SRPK1: variants seen among roughly 807,000 people sequenced by gnomAD.
The protein encoded by SRPK1 is SRSF protein kinase 1.
A neutral mutation model predicts 89.5 loss-of-function variants in SRPK1; 52 were observed. The ratio of observed to expected loss-of-function variants is 0.58; its 90% CI spans 0.46 to 0.73. SRPK1 has a LOEUF of 0.73. Among genes scored for constraint, SRPK1 ranks in the 30% least tolerant of loss-of-function variants. SRPK1 has a pLI of 0.00. For missense variants in SRPK1, 603 were observed against 780.6 expected, an observed-to-expected ratio of 0.77 and a Z score of 2.71; for synonymous variants, 255 against 270.2, an observed-to-expected ratio of 0.94 and a Z score of 0.55.
At chr6:35,889,825 G>A (rs1170055210) in intron 3 of SRPK1, among the ~76,000 whole-genome samples, 2 of 144,186 alleles carry the variant, frequency 1.4e-5, no homozygotes, top group Middle Eastern at 3.9e-3. Flanking sequence ...ACGGCAAGGC[G>A]CGGTGGCTCA....
At chr6:35,893,416 T>C (rs537352052) in intron 2 of SRPK1, among the ~76,000 whole-genome samples, 1 of 151,972 alleles carries the variant, frequency 6.6e-6, no homozygotes, top group South Asian at 2.1e-4. Context: ...AGCTGCAAGG[T>C]TGCGGCTGCA....
rs923610298 is a variant in SRPK1, at chr6:35,834,105, A to G, written c.*1199T>C. The G allele has an allele frequency of 6.6e-6, 1 of 152,626 alleles. No individual in the cohort carries two copies. Among genetic ancestry groups the G allele is most frequent in the African/African-American group, 2.4e-5 (1 of 41,448 alleles). 9.5% of individuals were successfully genotyped at this position (152,626 alleles called of 1,614,324 possible). ...AAAATTATGGTTAAAAATTGACATTATGTAGGGAAATAGCAGCAGAGAATG... is the reference window on the plus strand; with the variant it reads ...AAAATTATGGTTAAAAATTGACATTGTGTAGGGAAATAGCAGCAGAGAATG... On this transcript the variant is annotated 3_prime_UTR_variant, in exon 16 of 16. Transcript: ENST00000373825.
intron 2 of SRPK1, among the ~76,000 whole-genome samples, chr6:35,894,852 C>A (rs1770596827): frequency 6.6e-6 from 1 of 151,986 alleles, no homozygotes; most frequent in Non-Finnish European, 1.5e-5. Context: ...GAAGAAGTTA[C>A]TTAAAGTCAA....
chr6:35,905,110 G>C (rs78894630), intron 2 of SRPK1: 10 of 219,166 alleles, frequency 4.6e-5, no homozygotes, highest in Admixed American at 5.6e-5. Flanking sequence ...TCACACCACT[G>C]TACTCCAGCC....
chr6:35,868,395 A>AGTGT (rs1769955851), intron 12 of SRPK1, among the ~76,000 whole-genome samples: 1 of 152,230 alleles, frequency 6.6e-6, no homozygotes, highest in Non-Finnish European at 1.5e-5. Flanking sequence ...ATGACACTAT[A>AGTGT]CATCATAAAG....
At chr6:35,909,375 G>A (rs1770914826) in intron 2 of SRPK1, among the ~76,000 whole-genome samples, 1 of 152,232 alleles carries the variant, frequency 6.6e-6, no homozygotes, top group African/African-American at 2.4e-5. Context: ...ATTTGGAATG[G>A]GAACATTTGC....
intron 4 of SRPK1, 61 bp from the exon 5 acceptor site, chr6:35,888,172 A>G (rs764307675): frequency 1.4e-5 from 16 of 1,149,062 alleles, no homozygotes; most frequent in Non-Finnish European, 1.8e-5. Flanking sequence ...GGAAGCTAAG[A>G]TTTAGCTATA....
intron 5 of SRPK1, 43 bp from the exon 6 acceptor site, chr6:35,886,854 G>A: frequency 1.7e-6 from 2 of 1,144,242 alleles, no homozygotes; most frequent in South Asian, 1.3e-5. Flanking sequence ...GGTAAAGCAT[G>A]GAAATAAACC....
chr6:35,839,296 C>T (rs913923350), intron 14 of SRPK1, among the ~76,000 whole-genome samples: 3 of 152,110 alleles, frequency 2.0e-5, no homozygotes, highest in African/African-American at 7.2e-5. Flanking sequence ...GATTACAGGC[C>T]TGAGCCACCA....
intron 13 of SRPK1, among the ~76,000 whole-genome samples, chr6:35,855,690 T>C (rs1317560554): frequency 2.6e-5 from 4 of 152,194 alleles, no homozygotes; most frequent in Non-Finnish European, 5.9e-5. Context: ...GGTGGGTCCC[T>C]TGGACCATAT....
chr6:35,915,264 A>G (rs1179126731), intron 2 of SRPK1, among the ~76,000 whole-genome samples: 1 of 151,964 alleles, frequency 6.6e-6, no homozygotes, highest in Non-Finnish European at 1.5e-5. Flanking sequence ...AAAATTAGCC[A>G]GGCATGGTGG....
intron 2 of SRPK1, chr6:35,920,046 G>C (rs943988169): frequency 3.3e-5 from 15 of 457,170 alleles, no homozygotes; most frequent in Non-Finnish European, 6.1e-5. Flanking sequence ...ATTCATTCAA[G>C]AATTTCCTTA....
rs531237185 is a variant in SRPK1 at position 35,898,161 on chromosome 6, C to T, written c.75-7148G>A. ...TCAACAAACAGATAAAGAAAAATGT[C>T]GCATCTATACACCATGGAATACCAC... On this transcript the variant is annotated intron_variant, in intron 2 of 15. Transcript: ENST00000373825. Among the ~76,000 whole-genome samples, 316 of 152,166 alleles carry T rather than the reference C, an allele frequency of 2.1e-3. 2 individuals are homozygous for T. The highest frequency in any genetic ancestry group is 9.1e-3 in the South Asian group (44 of 4,826).
rs950208851 is a variant in SRPK1 at position 35,886,901 on chromosome 6, A to G, written c.391-90T>C. On this transcript the variant is annotated intron_variant, in intron 5 of 15. Transcript: ENST00000373825. ...GAAGAATACTTACAGCAAATTAACT[A>G]CAAGAAAGAGCTCACATAAATCTAT... The G allele has an allele frequency of 8.5e-6, 6 of 705,444 alleles. No homozygotes were observed. In the Admixed American group the frequency reaches 1.3e-4, roughly 16 times the overall value. The allele number at this position is 705,444 out of a possible 1,614,324, so 43.7% of individuals were successfully genotyped here.
chr6:35,886,041 T>C (rs1242685135), intron 6 of SRPK1, among the ~76,000 whole-genome samples: 2 of 151,914 alleles, frequency 1.3e-5, no homozygotes, highest in African/African-American at 2.4e-5. Context: ...TTTCTTCCTT[T>C]CTTTTTCTTT....
At chr6:35,896,661 T>A (rs1354402589) in intron 2 of SRPK1, among the ~76,000 whole-genome samples, 1 of 152,260 alleles carries the variant, frequency 6.6e-6, no homozygotes, top group East Asian at 1.9e-4. Flanking sequence ...CATAGTTGTA[T>A]GATTTTGTTA....
At chr6:35,914,747 C>T (rs1382522874) in intron 2 of SRPK1, among the ~76,000 whole-genome samples, 1 of 151,964 alleles carries the variant, frequency 6.6e-6, no homozygotes, top group East Asian at 1.9e-4. Context: ...ATGCTTGGGA[C>T]AGGGTGGGAG....
intron 6 of SRPK1, among the ~76,000 whole-genome samples, chr6:35,877,660 GT>G (rs1351352811): frequency 2.6e-5 from 4 of 152,144 alleles, no homozygotes; most frequent in Admixed American, 6.5e-5. Flanking sequence ...GACCAATATG[GT>G]GAAACTCCAT....
chr6:35,837,154 A>G (rs1769197765), intron 15 of SRPK1, among the ~76,000 whole-genome samples: 1 of 152,180 alleles, frequency 6.6e-6, no homozygotes, highest in South Asian at 2.1e-4. Context: ...AAAAATTGGA[A>G]GTTTTGTTTT....
Sources: allele counts gnomAD v4.1 joint callset (sites outside exome capture counted in the v4.1 genomes callset), GRCh38; gene constraint gnomAD v4.1.1; transcripts MANE v1.5; gene names NCBI Gene and HGNC (gene_info 2026-07-23, HGNC 2026-07-21).